SLMAP: variants seen among roughly 807,000 people sequenced by gnomAD.
SLMAP encodes sarcolemma associated protein, also known as sarcolemmal membrane-associated protein.
A neutral mutation model predicts 128.8 loss-of-function variants in SLMAP; 44 were observed. The ratio of observed to expected loss-of-function variants is 0.34; its 90% CI spans 0.27 to 0.44. The LOEUF is 0.44. SLMAP is among the 20% of genes least tolerant of loss of function. The pLI is 1.00. For missense variants in SLMAP, 787 were observed against 985.3 expected, an observed-to-expected ratio of 0.80 and a Z score of 2.69; for synonymous variants, 327 against 348.8, an observed-to-expected ratio of 0.94 and a Z score of 0.70.
intron 2 of SLMAP, among the ~76,000 whole-genome samples, chr3:57,769,463 G>A (rs528696854): frequency 5.9e-5 from 9 of 152,046 alleles, no homozygotes; most frequent in Non-Finnish European, 8.8e-5. Context: ...AAAGTGCTGG[G>A]ATTACAGGCA....
intron 6 of SLMAP, 108 bp from the exon 7 acceptor site, chr3:57,857,625 C>A: frequency 1.4e-6 from 1 of 734,886 alleles, no homozygotes; most frequent in Non-Finnish European, 2.4e-6. Context: ...TAAAATACAT[C>A]AAGTGGGATG....
rs184992994 is a variant in SLMAP, at chr3:57,874,755, A to T, written c.1300+3057A>T. ...GCGCCTGTAGTCTCAGCTACTTGGG[A>T]GGCTGAGGCAGGAGAATCACTTGAA... On this transcript the variant is annotated intron_variant, in intron 14 of 24. Transcript: ENST00000671191. Among the ~76,000 whole-genome samples, 622 of 151,850 alleles carry T rather than the reference A, an allele frequency of 4.1e-3. 6 individuals carry two copies. Among genetic ancestry groups the T allele is most frequent in the African/African-American group, 0.015 (605 of 41,426 alleles).
At chr3:57,875,178 A>G (rs1225989214) in intron 14 of SLMAP, among the ~76,000 whole-genome samples, 1 of 152,196 alleles carries the variant, frequency 6.6e-6, no homozygotes, top group Admixed American at 6.5e-5. Context: ...TACATACAAG[A>G]AAAAAATCAA....
Position 57,917,096 on chromosome 3 carries a change from A to G in SLMAP, c.2310+19A>G. The G allele has an allele frequency of 1.3e-5, 21 of 1,613,530 alleles. No homozygotes were observed. Among genetic ancestry groups the G allele is most frequent in the Non-Finnish European group, 1.6e-5 (19 of 1,179,696 alleles). On this transcript the variant is annotated intron_variant, in intron 22 of 24. Transcript: ENST00000671191. ...GAAAGAGGTAAAGCGAAAAGACATT[A>G]TGAGCCCAATTATGGTTGGACTTAA...
Position 57,860,081 on chromosome 3 carries a change from T to G in SLMAP, c.688-618T>G, listed in dbSNP as rs2094974238. 3.9e-5 allele frequency among the ~76,000 whole-genome samples: 6 copies of G among 152,300 alleles called. No homozygotes were observed. In the East Asian group the frequency reaches 1.2e-3, roughly 29 times the overall value. ...TCTTGTTTTAGAGACAGGGTCTTGC[T>G]ATGTTGCCCAGGCTGGTCTTGAACT... On this transcript the variant is annotated intron_variant, in intron 8 of 24. Transcript: ENST00000671191.
intron 17 of SLMAP, chr3:57,901,976 T>C (rs1257393474): frequency 1.3e-5 from 2 of 152,110 alleles, no homozygotes; most frequent in South Asian, 2.1e-4. Context: ...GAGGTTGCAG[T>C]GAACCAAGAT....
At chr3:57,842,864 G>A (rs2094005942) in intron 4 of SLMAP, among the ~76,000 whole-genome samples, 1 of 152,174 alleles carries the variant, frequency 6.6e-6, no homozygotes, top group African/African-American at 2.4e-5. Context: ...CTCCAGAGCT[G>A]GAGGAAGATC....
At chr3:57,810,626 G>A (rs1231036889) in intron 2 of SLMAP, among the ~76,000 whole-genome samples, 11 of 152,022 alleles carry the variant, frequency 7.2e-5, no homozygotes, top group Non-Finnish European at 1.3e-4. Context: ...AATCATTCTG[G>A]TAAGGCATTC....
intron 18 of SLMAP, 126 bp downstream of exon 18, chr3:57,908,132 G>T: frequency 1.2e-6 from 1 of 857,134 alleles, no homozygotes; most frequent in South Asian, 1.8e-5. Flanking sequence ...TGTGATCTTG[G>T]TATATTTACT....
intron 14 of SLMAP, among the ~76,000 whole-genome samples, chr3:57,873,360 A>G (rs916268615): frequency 5.3e-5 from 8 of 151,720 alleles, no homozygotes; most frequent in African/African-American, 1.9e-4. Flanking sequence ...AAAATTAGCC[A>G]GGGGTGGTAG....
chr3:57,926,297 G>A (rs1281872593), intron 24 of SLMAP: 8 of 183,760 alleles, frequency 4.4e-5, no homozygotes, highest in African/African-American at 1.9e-4. Flanking sequence ...GAAATGAAGA[G>A]TTTGCCTCCT....
At chr3:57,877,573 T>A (rs2095631788) in intron 14 of SLMAP, among the ~76,000 whole-genome samples, 1 of 152,184 alleles carries the variant, frequency 6.6e-6, no homozygotes, top group Admixed American at 6.5e-5. Flanking sequence ...ATTTTTTTAT[T>A]CTCAGAGTGG....
At chr3:57,820,421 A>T (rs913663109) in intron 2 of SLMAP, among the ~76,000 whole-genome samples, 1 of 152,124 alleles carries the variant, frequency 6.6e-6, no homozygotes, top group Admixed American at 6.5e-5. Flanking sequence ...CGAGAGGAAA[A>T]AATAATCAGA....
chr3:57,775,060 C>CT (rs530444970), intron 2 of SLMAP, among the ~76,000 whole-genome samples: 2,097 of 145,472 alleles, frequency 0.014, 35 homozygotes, highest in Middle Eastern at 0.05. Context: ...TTATATTTTT[C>CT]TTTTTTTTTT....
chr3:57,797,030 A>T (rs1201618633), intron 2 of SLMAP, among the ~76,000 whole-genome samples: 27 of 146,764 alleles, frequency 1.8e-4, no homozygotes, highest in African/African-American at 5.2e-4. Flanking sequence ...TTTTTTTTTT[A>T]AATTAGTCGA....
intron 2 of SLMAP, among the ~76,000 whole-genome samples, chr3:57,795,344 C>T (rs2153481124): frequency 6.6e-6 from 1 of 152,224 alleles, no homozygotes. Context: ...TTGAGACCAG[C>T]CTGGCCAGCG....
chr3:57,884,208 C>T (rs975962385), intron 14 of SLMAP, among the ~76,000 whole-genome samples: 4 of 152,110 alleles, frequency 2.6e-5, no homozygotes, highest in Admixed American at 6.6e-5. Context: ...GGATTATAGG[C>T]GTGAGCCACC....
chr3:57,892,381 A>T (rs1045239451), intron 15 of SLMAP, among the ~76,000 whole-genome samples: 5 of 152,278 alleles, frequency 3.3e-5, no homozygotes, highest in Admixed American at 6.5e-5. Flanking sequence ...TTTAATCTCT[A>T]ACTCAACTTG....
At chr3:57,826,441 A>G (rs1486689751) in intron 2 of SLMAP, among the ~76,000 whole-genome samples, 2 of 152,172 alleles carry the variant, frequency 1.3e-5, no homozygotes, top group Non-Finnish European at 2.9e-5. Context: ...CCTGAACTTT[A>G]AAAAGGGGTC....
Sources: gnomAD v4.1 joint callset for allele counts (sites outside exome capture counted in the v4.1 genomes callset) on GRCh38, gnomAD v4.1.1 for gene constraint, MANE v1.5 for transcripts, NCBI Gene and HGNC (gene_info 2026-07-23, HGNC 2026-07-21) for gene names.